PHIP: variants seen among roughly 807,000 people sequenced by gnomAD.
PHIP encodes PH-interacting protein.
A neutral mutation model predicts 236.8 loss-of-function variants in PHIP; 54 were observed. The ratio of observed to expected loss-of-function variants is 0.23; its 90% CI spans 0.18 to 0.29. The LOEUF is 0.29. Ranked by LOEUF, PHIP falls within the 10% of genes least tolerant of loss-of-function variation. PHIP has a pLI of 1.00. For synonymous variants in PHIP, 756 were observed against 718.9 expected, an observed-to-expected ratio of 1.05 and a Z score of -0.83; for missense variants, 1,370 against 2,190.8, an observed-to-expected ratio of 0.63 and a Z score of 7.48.
chr6:79,058,995 T>G (rs1221418563), intron 6 of PHIP, among the ~76,000 whole-genome samples: 1 of 152,080 alleles, frequency 6.6e-6, no homozygotes, highest in South Asian at 2.1e-4. Flanking sequence ...CTCAAATTTT[T>G]TTGTTGTTTT....
At chr6:79,072,928 T>C (rs1162037865) in intron 4 of PHIP, among the ~76,000 whole-genome samples, 1 of 152,324 alleles carries the variant, frequency 6.6e-6, no homozygotes, top group East Asian at 1.9e-4. Context: ...GTTCTGATAA[T>C]AGCAAACCAA....
At chr6:78,949,351 T>G (rs1311709770) in intron 35 of PHIP, among the ~76,000 whole-genome samples, 2 of 152,136 alleles carry the variant, frequency 1.3e-5, no homozygotes, top group Non-Finnish European at 2.9e-5. Context: ...AGAACATGTC[T>G]TTCATATACA....
chr6:79,058,997 T>C (rs1773215795), intron 6 of PHIP, among the ~76,000 whole-genome samples: 1 of 152,102 alleles, frequency 6.6e-6, no homozygotes, highest in Admixed American at 6.6e-5. Flanking sequence ...CAAATTTTTT[T>C]GTTGTTTTAA....
intron 24 of PHIP, among the ~76,000 whole-genome samples, chr6:78,975,560 A>G (rs1767991478): frequency 6.6e-6 from 1 of 152,190 alleles, no homozygotes; most frequent in South Asian, 2.1e-4. Context: ...AGGGTATTCA[A>G]TTAGGAAAAG....
rs567647188 is a variant in PHIP at position 79,061,841 on chromosome 6, TGG to T, written c.190-1025_190-1024del. 2.7e-3 allele frequency among the ~76,000 whole-genome samples: 416 copies of T among 152,180 alleles called. 3 individuals carry two copies. The highest frequency in any genetic ancestry group is 6.8e-3 in the Middle Eastern group (2 of 294). The stretch of plus-strand genomic sequence containing the variant: ...TGAATTCCTTTTGATAAGACTGATG[TGG>T]GGGGAGGTGAGGATTTAAATCATCT... On this transcript the variant is annotated intron_variant, in intron 4 of 39. Coordinates refer to ENST00000275034, the MANE Select transcript of PHIP (RefSeq NM_017934.7).
At chr6:79,025,038 G>C (rs747627909) in intron 9 of PHIP, among the ~76,000 whole-genome samples, 3 of 152,086 alleles carry the variant, frequency 2.0e-5, no homozygotes, top group Non-Finnish European at 4.4e-5. Flanking sequence ...ATTATGGGGA[G>C]GGAGGGGAAT....
At chr6:79,061,286 T>G (rs2127772917) in intron 4 of PHIP, among the ~76,000 whole-genome samples, 1 of 152,324 alleles carries the variant, frequency 6.6e-6, no homozygotes, top group Non-Finnish European at 1.5e-5. Flanking sequence ...TACTTCATAA[T>G]TAGCTATCAA....
intron 13 of PHIP, among the ~76,000 whole-genome samples, chr6:79,016,186 T>C (rs1003362671): frequency 2.0e-5 from 3 of 151,960 alleles, no homozygotes; most frequent in Admixed American, 6.6e-5. Context: ...AAATAACAGC[T>C]ACAACACGCA....
chr6:78,969,965 C>A, intron 26 of PHIP, 48 bp from the exon 27 acceptor site: 1 of 1,575,276 alleles, frequency 6.3e-7, no homozygotes, highest in South Asian at 1.1e-5. Context: ...CCTAAAAATA[C>A]CTAAAAGATG....
chr6:79,016,433 G>A, intron 13 of PHIP, 111 bp downstream of exon 13: 2 of 513,778 alleles, frequency 3.9e-6, no homozygotes, highest in Non-Finnish European at 6.9e-6. Context: ...TCGCAGAAAA[G>A]TAGTAATTTT....
rs949679719 is a variant in PHIP, at chr6:78,939,084, T to A, written c.*1609A>T. On this transcript the variant is annotated 3_prime_UTR_variant, in exon 40 of 40. Transcript: ENST00000275034. ...GAAAATACTACATTCTTTAAATTTTTAAAAAAATGGACAGTAATTTTTAAA... is the reference window on the plus strand; with the variant it reads ...GAAAATACTACATTCTTTAAATTTTAAAAAAAATGGACAGTAATTTTTAAA... 3 of 151,646 alleles carry A rather than the reference T, an allele frequency of 2.0e-5. No individual in the cohort carries two copies. The highest frequency in any genetic ancestry group is 4.4e-5 in the Non-Finnish European group (3 of 67,646). The allele number at this position is 151,646 out of a possible 1,614,324, so 9.4% of individuals were successfully genotyped here. A position where few individuals can be genotyped will look rare whatever the true frequency, so the allele number is the denominator to read the frequency against.
At chr6:79,053,739 T>C (rs1206239815) in intron 6 of PHIP, among the ~76,000 whole-genome samples, 4 of 152,284 alleles carry the variant, frequency 2.6e-5, no homozygotes, top group African/African-American at 9.6e-5. Context: ...TACACAGATA[T>C]GAGTATTCAA....
intron 13 of PHIP, 23 bp downstream of exon 13, chr6:79,016,521 A>G: frequency 6.9e-7 from 1 of 1,443,944 alleles, no homozygotes; most frequent in Non-Finnish European, 9.7e-7. Flanking sequence ...TATATACATA[A>G]TATTTCAAAT....
In PHIP at chr6:79,015,160, G is replaced by C. The variant is rs1369855024; in HGVS notation, c.1446C>G (p.Leu482=). ...CGTTTCCATCATGACCAGCAGAAAA[G>C]AGAACTCTAGGATCGAACGGGTGTG... is the stretch of plus-strand genomic sequence containing the variant. ...LEPHPFDPRV[L]FSAGHDGNVI... is the part of the protein sequence containing the mutation. The change falls in exon 15 of 40, where the codon CTC becomes CTG. Residue 482 remains leucine (L), a synonymous_variant. Transcript: ENST00000275034. 6.2e-7 allele frequency: 1 copy of C among 1,611,270 alleles called. No homozygotes were observed. Among genetic ancestry groups the C allele is most frequent in the Non-Finnish European group, 8.5e-7 (1 of 1,177,842 alleles).
intron 15 of PHIP, among the ~76,000 whole-genome samples, 159 bp from the exon 16 acceptor site, chr6:79,004,017 A>G (rs969947705): frequency 6.6e-6 from 1 of 152,162 alleles, no homozygotes; most frequent in Non-Finnish European, 1.5e-5. Flanking sequence ...AATATTCATG[A>G]AAAGTGCCAG....
intron 37 of PHIP, 105 bp downstream of exon 37, chr6:78,946,606 T>C: frequency 7.0e-7 from 1 of 1,435,724 alleles, no homozygotes; most frequent in Non-Finnish European, 9.1e-7. Flanking sequence ...CAAATTATCA[T>C]TCTGCAATAT....
intron 4 of PHIP, among the ~76,000 whole-genome samples, chr6:79,064,366 C>A (rs563780164): frequency 6.6e-6 from 1 of 152,122 alleles, no homozygotes; most frequent in African/African-American, 2.4e-5. Flanking sequence ...TCCTGGCTAC[C>A]CCTTTCCCGT....
In PHIP at chr6:78,990,850, AAAAT is replaced by A; in HGVS notation, c.2319+14_2319+17del. 1 of 1,385,184 alleles carries A rather than the reference AAAAT, an allele frequency of 7.2e-7. No individual in the cohort carries two copies. Among genetic ancestry groups the A allele is most frequent in the Non-Finnish European group, 1.0e-6 (1 of 989,170 alleles). The allele number at this position is 1,385,184 out of a possible 1,614,324, so 85.8% of individuals were successfully genotyped here. ...ACTTAAGAAGCAAATATTAAACATC[AAAAT>A]AATTAATATGTACCTTTGAGACAGT... is the stretch of plus-strand genomic sequence containing the variant. On this transcript the variant is annotated intron_variant, in intron 20 of 39. Transcript: ENST00000275034.
intron 7 of PHIP, among the ~76,000 whole-genome samples, chr6:79,030,808 T>A (rs960565995): frequency 5.3e-5 from 8 of 152,196 alleles, no homozygotes; most frequent in Non-Finnish European, 8.8e-5. Context: ...TTTTAAGAAA[T>A]CCATGGGGTG....
Sources: allele counts gnomAD v4.1 joint callset (sites outside exome capture counted in the v4.1 genomes callset), GRCh38; gene constraint gnomAD v4.1.1; transcripts MANE v1.5; gene names NCBI Gene and HGNC (gene_info 2026-07-23, HGNC 2026-07-21).